Variants in RPP30 observed in about 807,000 individuals in gnomAD.
RPP30 encodes ribonuclease P protein subunit p30.
In RPP30, 36 loss-of-function variants were observed where a neutral mutation model predicts 38.6. The ratio of observed to expected loss-of-function variants is 0.93; its 90% CI spans 0.71 to 1.23. RPP30 has a LOEUF of 1.23. Among genes scored for constraint, RPP30 ranks in the 50% most tolerant of loss-of-function variants. RPP30 has a pLI of 0.00. For synonymous variants in RPP30, 126 were observed against 112.7 expected (o/e 1.12, Z -0.75); for missense variants, 321 against 321.7 (o/e 1.00, Z 0.02).
Position 90,885,810 on chromosome 10 carries a change from A to G in RPP30, c.343-2A>G. On this transcript the variant is annotated splice_acceptor_variant, in intron 5 of 10. Transcript: ENST00000371703. LOFTEE classifies it high-confidence loss of function. ...CCTTACCTATTTTTTTCTTCTTTAC[A>G]GATTGCTTGCACACATTTAGATGTG... is the stretch of plus-strand genomic sequence containing the variant. 2 of 1,605,916 alleles carry G rather than the reference A, an allele frequency of 1.2e-6. No individual in the cohort carries two copies. The highest frequency in any genetic ancestry group is 1.7e-6 in the Non-Finnish European group (2 of 1,175,762).
intron 6 of RPP30, among the ~76,000 whole-genome samples, chr10:90,886,274 G>A (rs1037012140): frequency 2.0e-5 from 3 of 152,132 alleles, no homozygotes; most frequent in Non-Finnish European, 4.4e-5. Context: ...GAGGCACCAG[G>A]AAGCTAAAGA....
At position 90,901,711 on chromosome 10, in the gene RPP30, A is replaced by C. The variant is rs1018558419; in HGVS notation, c.*1032A>C. The C allele has an allele frequency of 1.0e-6, 1 of 983,520 alleles. No homozygotes were observed. The highest frequency in any genetic ancestry group is 1.7e-5 in the African/African-American group (1 of 57,200). 60.9% of individuals were successfully genotyped at this position (983,520 alleles called of 1,614,324 possible). On this transcript the variant is annotated 3_prime_UTR_variant, in exon 11 of 11. Transcript: ENST00000371703. ...TTATGCAAATACATGCATTTATGCA[A>C]TATTAATGTAAGGGCTCTAAAACAA...
chr10:90,904,922 A>G (rs1318338032), downstream of RPP30, among the ~76,000 whole-genome samples: 1 of 152,226 alleles, frequency 6.6e-6, no homozygotes, highest in Admixed American at 6.5e-5. Flanking sequence ...TCTATCTCAC[A>G]CCCAATACAC....
At chr10:90,905,635 T>C (rs1376157104), downstream of RPP30, 1 of 152,208 alleles carries the variant, frequency 6.6e-6, no homozygotes, top group Non-Finnish European at 1.5e-5. Context: ...GTTGATTTTT[T>C]TAAATGTCCA....
intron 5 of RPP30, among the ~76,000 whole-genome samples, chr10:90,880,573 C>A (rs966302665): frequency 2.6e-5 from 4 of 152,154 alleles, no homozygotes; most frequent in Admixed American, 2.0e-4. Context: ...ACTAAAAATA[C>A]AAAAATTATC....
At chr10:90,884,360 T>G (rs1171278000) in intron 5 of RPP30, among the ~76,000 whole-genome samples, 1 of 152,210 alleles carries the variant, frequency 6.6e-6, no homozygotes, top group Admixed American at 6.5e-5. Context: ...TTATACTGAT[T>G]TAAAGACCTT....
chr10:90,897,818 A>G (rs1847158611), intron 10 of RPP30, among the ~76,000 whole-genome samples: 1 of 152,148 alleles, frequency 6.6e-6, no homozygotes, highest in Non-Finnish European at 1.5e-5. Context: ...GGTACATAGT[A>G]TGTGTATATA....
chr10:90,902,303 T>C, downstream of RPP30: 3 of 406,394 alleles, frequency 7.4e-6, no homozygotes, highest in Non-Finnish European at 1.4e-5. Context: ...CTGCAACCTT[T>C]GCCTCTTGGG....
rs1362180267 is a variant in RPP30 at position 90,895,487 on chromosome 10, A to G, written c.579+4A>G. On this transcript the variant is annotated splice_donor_region_variant and intron_variant, in intron 8 of 10. Coordinates refer to ENST00000371703, the MANE Select transcript of RPP30 (RefSeq NM_006413.5). ...TATATCTAGTGCTGCAGAAAGGGTA[A>G]GTCTAGCATGAAGTACTTTGTTTTC... The G allele has an allele frequency of 6.5e-6, 9 of 1,383,670 alleles. No individual in the cohort carries two copies. The highest frequency in any genetic ancestry group is 8.6e-6 in the Non-Finnish European group (9 of 1,051,820). The allele number at this position is 1,383,670 out of a possible 1,614,324, so 85.7% of individuals were successfully genotyped here.
rs1564716270 is a variant in RPP30 at position 90,900,718 on chromosome 10, CTTTTATAGTTCATCAGCCACAACAAA to C, written c.*40_*65del. 6 of 1,582,538 alleles carry C rather than the reference CTTTTATAGTTCATCAGCCACAACAAA, an allele frequency of 3.8e-6. No homozygotes were observed. In the East Asian group the frequency reaches 1.3e-4, roughly 36 times the overall value. On this transcript the variant is annotated 3_prime_UTR_variant, in exon 11 of 11. Transcript: ENST00000371703. Reference sequence around the variant, plus strand: ...GTCTCTGTCAGCACTCCCTTCTTCCCTTTTATAGTTCATCAGCCACAACAAAAATAAAACCTTTGTGTGATTTACTG... The same window carrying C: ...GTCTCTGTCAGCACTCCCTTCTTCCCAATAAAACCTTTGTGTGATTTACTG...
chr10:90,887,838 C>T (rs1847021151), intron 6 of RPP30, among the ~76,000 whole-genome samples: 1 of 152,164 alleles, frequency 6.6e-6, no homozygotes, highest in African/African-American at 2.4e-5. Context: ...CTATGTTGTG[C>T]AACAGTTCAT....
At chr10:90,898,160 C>T (rs1209325862) in intron 10 of RPP30, among the ~76,000 whole-genome samples, 1 of 152,130 alleles carries the variant, frequency 6.6e-6, no homozygotes, top group Non-Finnish European at 1.5e-5. Flanking sequence ...TTAGATCCCA[C>T]AAACAAGTGA....
chr10:90,881,643 C>G (rs1472568165), intron 5 of RPP30, among the ~76,000 whole-genome samples: 1 of 152,086 alleles, frequency 6.6e-6, no homozygotes, highest in Non-Finnish European at 1.5e-5. Context: ...TCCTTGTTTT[C>G]TATAGGAAAT....
At chr10:90,886,874 G>T (rs577112404) in intron 6 of RPP30, among the ~76,000 whole-genome samples, 1 of 152,238 alleles carries the variant, frequency 6.6e-6, no homozygotes, top group East Asian at 1.9e-4. Context: ...TCTCTTTGGT[G>T]CTAAGGAATT....
At chr10:90,874,505 C>T (rs981560617) in intron 1 of RPP30, among the ~76,000 whole-genome samples, 1 of 152,176 alleles carries the variant, frequency 6.6e-6, no homozygotes, top group African/African-American at 2.4e-5. Context: ...AAAGGAGAAG[C>T]ACAAAGTTAA....
intron 4 of RPP30, among the ~76,000 whole-genome samples, chr10:90,877,206 A>G (rs1000665634): frequency 2.0e-5 from 3 of 152,074 alleles, no homozygotes; most frequent in Admixed American, 1.3e-4. Flanking sequence ...CAGCTACTCA[A>G]GAGTCTGAGG....
At chr10:90,890,160 A>G (rs578065968) in intron 6 of RPP30, among the ~76,000 whole-genome samples, 5 of 152,330 alleles carry the variant, frequency 3.3e-5, no homozygotes, top group Admixed American at 2.6e-4. Flanking sequence ...CTTTGATTCC[A>G]AATCTGCTGT....
rs761961036 is a variant in RPP30 at position 90,894,806 on chromosome 10, T to C, written c.464T>C (p.Val155Ala). 6.2e-7 allele frequency: 1 copy of C among 1,613,446 alleles called. No individual in the cohort carries two copies. Among genetic ancestry groups the C allele is most frequent in the Non-Finnish European group, 8.5e-7 (1 of 1,179,532 alleles). The change falls in exon 7 of 11, where the codon GTC becomes GCC. Residue 155 changes from valine to alanine, a missense_variant. By Grantham distance (64) the Val-to-Ala change is moderately conservative (BLOSUM62 0). Transcript: ENST00000371703. ...AIDRGLAFEL[V>A]YSPAIKDSTM... is the part of the protein sequence containing the mutation. ...GACCGAGGCCTGGCTTTTGAACTTGTCTATAGCCCTGCTATCAAAGACTCC... is the reference window on the plus strand; with the variant it reads ...GACCGAGGCCTGGCTTTTGAACTTGCCTATAGCCCTGCTATCAAAGACTCC...
intron 5 of RPP30, among the ~76,000 whole-genome samples, chr10:90,884,404 A>G (rs553290159): frequency 6.6e-6 from 1 of 152,226 alleles, no homozygotes; most frequent in African/African-American, 2.4e-5. Context: ...CATGTCAGCA[A>G]GGTAGTACCA....
Sources: gnomAD v4.1 joint callset for allele counts (sites outside exome capture counted in the v4.1 genomes callset) on GRCh38, gnomAD v4.1.1 for gene constraint, MANE v1.5 for transcripts, NCBI Gene and HGNC (gene_info 2026-07-23, HGNC 2026-07-21) for gene names.